Variants in NRP1 observed in about 807,000 individuals in gnomAD.
NRP1 encodes neuropilin-1.
Under a neutral mutation model 106.7 loss-of-function variants are expected in NRP1, and 35 were observed. The observed-to-expected ratio is 0.33, with a 90% CI of 0.25 to 0.43. The LOEUF (loss-of-function observed/expected upper bound fraction) is 0.43, where lower values mean the gene tolerates loss of function less well. Among genes scored for constraint, NRP1 ranks in the 20% least tolerant of loss-of-function variants. The probability of loss-of-function intolerance (pLI) is 1.00; values close to 1 mark genes in which losing one functional copy is unlikely to be tolerated. For missense variants in NRP1, 1,024 were observed against 1,170.4 expected, an observed-to-expected ratio of 0.87 and a Z score of 1.83; for synonymous variants, 437 against 417.9, an observed-to-expected ratio of 1.05 and a Z score of -0.56.
At chr10:33,190,851 A>G (rs1312972029) in intron 13 of NRP1, among the ~76,000 whole-genome samples, 2 of 151,472 alleles carry the variant, frequency 1.3e-5, no homozygotes, top group Admixed American at 1.3e-4. Context: ...TTTATTTTTA[A>G]TTTTTATTTT....
intron 4 of NRP1, among the ~76,000 whole-genome samples, chr10:33,257,604 G>A (rs368793900): frequency 2.6e-5 from 4 of 151,800 alleles, no homozygotes; most frequent in African/African-American, 9.7e-5. Flanking sequence ...CAGCCTGGAT[G>A]ACGGAGCGAG....
intron 4 of NRP1, among the ~76,000 whole-genome samples, chr10:33,259,672 A>G (rs995705253): frequency 1.3e-5 from 2 of 152,166 alleles, no homozygotes; most frequent in Admixed American, 6.5e-5. Flanking sequence ...TGAAAGGAAT[A>G]TAGTATTTGT....
At chr10:33,248,523 C>T (rs1044338908) in intron 6 of NRP1, among the ~76,000 whole-genome samples, 1 of 152,216 alleles carries the variant, frequency 6.6e-6, no homozygotes, top group South Asian at 2.1e-4. Flanking sequence ...CATCTCCCTA[C>T]CACACTAAGG....
At chr10:33,274,190 G>T (rs1445908674) in intron 2 of NRP1, among the ~76,000 whole-genome samples, 3 of 151,984 alleles carry the variant, frequency 2.0e-5, no homozygotes, top group Non-Finnish European at 2.9e-5. Flanking sequence ...TCAACGTTAG[G>T]GTGTAATCCG....
Position 33,187,402 on chromosome 10 carries a change from G to A in NRP1, c.2063-914C>T, listed in dbSNP as rs183834898. ...TTTTCAAGTTCAGATTATTTTTCCC[G>A]TAGTTTGTTTTCATGGTTTTCGAAT... On this transcript the variant is annotated intron_variant, in intron 13 of 16. Coordinates refer to ENST00000374867, the MANE Select transcript of NRP1 (RefSeq NM_003873.7). 9.9e-5 allele frequency among the ~76,000 whole-genome samples: 15 copies of A among 151,780 alleles called. No individual in the cohort carries two copies. The East Asian group carries it at 2.7e-3, about 27-fold the overall frequency.
chr10:33,263,692 C>T lies in NRP1; in HGVS notation c.612G>A (p.Met204Ile), dbSNP rs1456188657. ...TTTCTAGCCGGTCGTAGCGACAGAACATCCCCCCTGGAGGATTTGAGTCAG... is the reference window on the plus strand; with the variant it reads ...TTTCTAGCCGGTCGTAGCGACAGAATATCCCCCCTGGAGGATTTGAGTCAG... ...LEPDSNPPGG[M>I]FCRYDRLEIW... Residue 204 changes from methionine to isoleucine, a missense_variant, in exon 4 of 17, where the codon ATG (methionine) becomes ATA (isoleucine). Met to Ile is a conservative substitution (Grantham distance 10). This residue lies in a region of NRP1 where 279 missense variants were observed against 327.4 expected (regional missense o/e 0.85). Coordinates refer to ENST00000374867, the MANE Select transcript of NRP1 (RefSeq NM_003873.7). 6.2e-7 allele frequency: 1 copy of T among 1,613,996 alleles called. No homozygotes were observed. Among genetic ancestry groups the T allele is most frequent in the Non-Finnish European group, 8.5e-7 (1 of 1,180,006 alleles).
At chr10:33,202,508 A>C in intron 11 of NRP1, 2 of 1,182,998 alleles carry the variant, frequency 1.7e-6, no homozygotes, top group Non-Finnish European at 2.2e-6. Context: ...TGTCCTCATT[A>C]GAAAATGAAA....
At chr10:33,252,013 C>T (rs192741993) in intron 6 of NRP1, among the ~76,000 whole-genome samples, 1 of 152,132 alleles carries the variant, frequency 6.6e-6, no homozygotes, top group Admixed American at 6.6e-5. Context: ...TTTCCAAGAC[C>T]ACCATGGCCC....
chr10:33,193,401 AGAT>A (rs755652613), intron 12 of NRP1, among the ~76,000 whole-genome samples: 36 of 152,254 alleles, frequency 2.4e-4, no homozygotes, highest in Non-Finnish European at 4.4e-4. Flanking sequence ...AAAATTCTAA[AGAT>A]GAAATTCTCG....
intron 3 of NRP1, among the ~76,000 whole-genome samples, chr10:33,269,531 A>G (rs1266254398): frequency 6.6e-6 from 1 of 152,218 alleles, no homozygotes; most frequent in Non-Finnish European, 1.5e-5. Context: ...AAGACAGATA[A>G]GAATAAATGC....
At chr10:33,269,733 TC>T (rs1035986246) in intron 3 of NRP1, among the ~76,000 whole-genome samples, 1 of 152,020 alleles carries the variant, frequency 6.6e-6, no homozygotes, top group Non-Finnish European at 1.5e-5. Flanking sequence ...CCTCCTCCTG[TC>T]AGATCAGCAG....
intron 12 of NRP1, among the ~76,000 whole-genome samples, chr10:33,192,837 A>T (rs2132633384): frequency 6.6e-6 from 1 of 152,316 alleles, no homozygotes; most frequent in Non-Finnish European, 1.5e-5. Flanking sequence ...TTAGAGATTG[A>T]CCCATGAAGC....
intron 2 of NRP1, among the ~76,000 whole-genome samples, chr10:33,277,111 TAAAAAAAA>T (rs547384604): frequency 8.0e-6 from 1 of 125,282 alleles, no homozygotes; most frequent in Non-Finnish European, 1.7e-5. Flanking sequence ...TCTCTAAAAT[TAAAAAAAA>T]AAAAAAGAAA....
intron 2 of NRP1, among the ~76,000 whole-genome samples, chr10:33,306,000 C>T (rs1242422951): frequency 6.6e-6 from 1 of 152,158 alleles, no homozygotes; most frequent in African/African-American, 2.4e-5. Context: ...AACTCCTCAC[C>T]TCGTGATCTG....
At chr10:33,321,328 A>T (rs1269122112) in intron 2 of NRP1, among the ~76,000 whole-genome samples, 1 of 152,202 alleles carries the variant, frequency 6.6e-6, no homozygotes, top group Non-Finnish European at 1.5e-5. Context: ...TTCTGTGACC[A>T]AATGTGTTAA....
At chr10:33,253,287 G>C (rs1841989396) in intron 6 of NRP1, among the ~76,000 whole-genome samples, 1 of 152,236 alleles carries the variant, frequency 6.6e-6, no homozygotes, top group South Asian at 2.1e-4. Context: ...GATGAGAGGG[G>C]GTAGATTAGA....
intron 11 of NRP1, 135 bp downstream of exon 11, chr10:33,202,756 T>C (rs147204635): frequency 6.4e-7 from 1 of 1,572,432 alleles, no homozygotes; most frequent in East Asian, 2.3e-5. Context: ...GATGCACGTG[T>C]TCTGGCAAGG....
intron 3 of NRP1, among the ~76,000 whole-genome samples, chr10:33,267,927 G>A (rs1288247691): frequency 6.6e-6 from 1 of 152,106 alleles, no homozygotes; most frequent in Non-Finnish European, 1.5e-5. Flanking sequence ...ACTCTGGAAT[G>A]GCCTAAATGT....
At chr10:33,225,737 C>T (rs936311187) in intron 7 of NRP1, among the ~76,000 whole-genome samples, 8 of 152,168 alleles carry the variant, frequency 5.3e-5, no homozygotes, top group African/African-American at 1.7e-4. Flanking sequence ...AAGATGTTTT[C>T]TAAAACTAGC....
Sources: gnomAD v4.1 joint callset for allele counts (sites outside exome capture counted in the v4.1 genomes callset) on GRCh38, gnomAD v4.1.1 for gene constraint, gnomAD v4.1.1 regional missense constraint, MANE v1.5 for transcripts, NCBI Gene and HGNC (gene_info 2026-07-23, HGNC 2026-07-21) for gene names.